The following HEG1 variants were observed in gnomAD, a reference collection of about 807,000 sequenced individuals.
HEG1 encodes heart development protein with EGF like domains 1.
In HEG1, 56 loss-of-function variants were observed where a neutral mutation model predicts 125.6. That is an observed-to-expected ratio of 0.45 (90% CI 0.36 to 0.56). The LOEUF is 0.56. Among genes scored for constraint, HEG1 ranks in the 20% least tolerant of loss-of-function variants. The pLI is 0.00. For missense variants in HEG1, 1,523 were observed against 1,670.0 expected (o/e 0.91, Z 1.53); for synonymous variants, 644 against 668.5 (o/e 0.96, Z 0.57).
At chr3:125,010,156 G>A (rs1045676531) in intron 7 of HEG1, among the ~76,000 whole-genome samples, 1 of 152,204 alleles carries the variant, frequency 6.6e-6, no homozygotes, top group Non-Finnish European at 1.5e-5. Flanking sequence ...GCAGTGGGGG[G>A]ATTCCAGCCT....
chr3:125,027,423 G>A lies in HEG1; in HGVS notation c.695C>T (p.Ser232Leu), dbSNP rs1187475335. 18 of 1,613,796 alleles carry A rather than the reference G, an allele frequency of 1.1e-5. No individual in the cohort carries two copies. The highest frequency in any genetic ancestry group is 2.2e-5 in the East Asian group (1 of 44,888). Residue 232 changes from serine to leucine, a missense_variant, in exon 3 of 17, where the codon TCG becomes TTG. Transcript: ENST00000311127. ...CATCGCCCTCTCTGTTCCCATCTCC[G>A]AGGCTGTTCCACTCTTTGTTTGAAA... is the stretch of plus-strand genomic sequence containing the variant. The part of the protein sequence containing the change: ...AAFQTKSGTA[S>L]EMGTERAMGL...
intron 1 of HEG1, among the ~76,000 whole-genome samples, chr3:125,046,420 C>G (rs957215223): frequency 2.8e-5 from 4 of 145,338 alleles, no homozygotes; most frequent in Non-Finnish European, 1.5e-5. Context: ...CACACACACA[C>G]ACACACACAC....
chr3:124,995,959 G>C (rs1245009551), intron 12 of HEG1, among the ~76,000 whole-genome samples: 2 of 152,210 alleles, frequency 1.3e-5, no homozygotes, highest in Non-Finnish European at 2.9e-5. Flanking sequence ...ACTGTTCACA[G>C]GGAACACCAC....
At position 125,013,904 on chromosome 3, in the gene HEG1, A is replaced by G. The variant is rs762864956; in HGVS notation, c.1675T>C (p.Ser559Pro). 6.8e-6 allele frequency: 11 copies of G among 1,613,836 alleles called. No homozygotes were observed. The highest frequency in any genetic ancestry group is 6.7e-5 in the Admixed American group (4 of 60,002). ...SDHTDHTYLS[S>P]TFTKGERALL... ...GCCCGTTCTCCTTTGGTGAAAGTAG[A>G]TGACAGGTAGGTGTGGTCTGTGTGG... The change falls in exon 6 of 17, where the codon TCT becomes CCT. Residue 559 changes from serine to proline, a missense_variant. Coordinates refer to ENST00000311127, the MANE Select transcript of HEG1 (RefSeq NM_020733.2).
intron 1 of HEG1, among the ~76,000 whole-genome samples, chr3:125,051,318 G>A (rs1460503407): frequency 6.6e-6 from 1 of 151,826 alleles, no homozygotes; most frequent in East Asian, 1.9e-4. Context: ...AAAAAAGCAA[G>A]AGCAAGGAAT....
chr3:125,015,077 A>C, intron 5 of HEG1: 2 of 1,115,562 alleles, frequency 1.8e-6, no homozygotes, highest in East Asian at 6.0e-5. Context: ...TCGTGCCCCA[A>C]GCCTCACTTC....
In HEG1 at chr3:125,025,998, C is replaced by T. The variant is rs900410041; in HGVS notation, c.913+1207G>A. On this transcript the variant is annotated intron_variant, in intron 3 of 16. Transcript: ENST00000311127. Reference sequence around the variant, plus strand: ...TGACACAAACCCAAACTCCTAGTCTCGCAAGTTACTTCTAAAAACCTCTGA... The same window carrying T: ...TGACACAAACCCAAACTCCTAGTCTTGCAAGTTACTTCTAAAAACCTCTGA... Among the ~76,000 whole-genome samples the T allele has an allele frequency of 2.6e-5, 4 of 152,302 alleles. No homozygotes were observed. In the South Asian group the frequency reaches 8.3e-4, roughly 32 times the overall value.
chr3:125,010,301 C>T (rs1318225174), intron 7 of HEG1, 138 bp downstream of exon 7: 2 of 595,740 alleles, frequency 3.4e-6, no homozygotes. Flanking sequence ...TCACAACCTA[C>T]AAACATGCTG....
At chr3:124,997,928 T>G in intron 11 of HEG1, 105 bp from the exon 12 acceptor site, 1 of 1,283,648 alleles carries the variant, frequency 7.8e-7, no homozygotes, top group Non-Finnish European at 1.0e-6. Flanking sequence ...AACTCTCTAT[T>G]TCAAGAGGCT....
At chr3:125,017,551 A>T (rs1159519267) in intron 5 of HEG1, among the ~76,000 whole-genome samples, 1 of 152,204 alleles carries the variant, frequency 6.6e-6, no homozygotes, top group Non-Finnish European at 1.5e-5. Flanking sequence ...AGATGGCTAT[A>T]ATCAGAAAAG....
At position 125,012,981 on chromosome 3, in the gene HEG1, CA is replaced by C; in HGVS notation, c.2597del (p.Leu866ArgfsTer6). ...TCTGTACGGCTATAGGGCCAGTGAC[CA>C]GAGATGCTGTGCTTGACAGGGTGCC... The part of the protein sequence containing the change: ...TPGTLSSTAS[L>X]VTGPIAVQTT... On this transcript the variant is annotated frameshift_variant, in exon 6 of 17. Transcript: ENST00000311127. LOFTEE classifies it high-confidence loss of function. The C allele has an allele frequency of 6.2e-7, 1 of 1,613,976 alleles. No homozygotes were observed. The highest frequency in any genetic ancestry group is 8.5e-7 in the Non-Finnish European group (1 of 1,179,904).
At chr3:125,029,661 G>C (rs1022134119) in intron 1 of HEG1, among the ~76,000 whole-genome samples, 173 bp from the exon 2 acceptor site, 3 of 152,122 alleles carry the variant, frequency 2.0e-5, no homozygotes, top group African/African-American at 7.2e-5. Flanking sequence ...AGGCTGAGGC[G>C]GGTGGATCAC....
At chr3:124,980,323 C>T (rs1936625117) in intron 14 of HEG1, among the ~76,000 whole-genome samples, 1 of 152,196 alleles carries the variant, frequency 6.6e-6, no homozygotes, top group South Asian at 2.1e-4. Context: ...GAGTCTGGCT[C>T]CTGCTTATCC....
chr3:125,022,842 A>G (rs893380635), intron 3 of HEG1, among the ~76,000 whole-genome samples: 2 of 152,220 alleles, frequency 1.3e-5, no homozygotes, highest in African/African-American at 4.8e-5. Context: ...AGGTTCTTTC[A>G]AAACACTTTT....
At position 125,019,513 on chromosome 3, in the gene HEG1, A is replaced by G. The variant is rs1304188079; in HGVS notation, c.1337T>C (p.Val446Ala). 2 of 1,613,976 alleles carry G rather than the reference A, an allele frequency of 1.2e-6. No homozygotes were observed. Among genetic ancestry groups the G allele is most frequent in the Admixed American group, 1.7e-5 (1 of 60,022 alleles). The change falls in exon 5 of 17, where the codon GTC becomes GCC. Residue 446 changes from valine (V) to alanine (A), a missense_variant. Transcript: ENST00000311127. ...MSQTETVSRS[V>A]APMRGGEITA... ...GATCTCTCCACCTCTCATGGGTGCG[A>G]CTGACCTAGACACAGTCTCAGTCTG...
At position 124,968,482 on chromosome 3, in the gene HEG1, C is replaced by T. The variant is rs1936358909; in HGVS notation, c.*2170G>A. ...ACGGAAGAAACCCATGAACAAGAAGCATTGTTGGAACTCACAGGACACCGT... is the reference window on the plus strand; with the variant it reads ...ACGGAAGAAACCCATGAACAAGAAGTATTGTTGGAACTCACAGGACACCGT... On this transcript the variant is annotated 3_prime_UTR_variant, in exon 17 of 17. Coordinates refer to ENST00000311127, the MANE Select transcript of HEG1 (RefSeq NM_020733.2). The T allele has an allele frequency of 6.6e-6, 1 of 152,228 alleles. No homozygotes were observed. Among genetic ancestry groups the T allele is most frequent in the Non-Finnish European group, 1.5e-5 (1 of 68,050 alleles). The allele number at this position is 152,228 out of a possible 1,614,324, so 9.4% of individuals were successfully genotyped here. A position where few individuals can be genotyped will look rare whatever the true frequency, so the allele number is the denominator to read the frequency against.
rs2333041 is a variant in HEG1 at position 125,027,338 on chromosome 3, C to T, written c.780G>A (p.Pro260=). Residue 260 remains proline, a synonymous_variant, in exon 3 of 17, where the codon CCG becomes CCA. Transcript: ENST00000311127. Reference sequence around the variant, plus strand: ...CCATCTCCAAAGCAGGAAGAAAGGACGGGCTCCAAGCCGAAGTGGTGGCCT... The same window carrying T: ...CCATCTCCAAAGCAGGAAGAAAGGATGGGCTCCAAGCCGAAGTGGTGGCCT... The part of the protein sequence containing the change: ...SQEATTSAWS[P]SFLPALEMGE... 3,291 of 1,613,570 alleles carry T rather than the reference C, an allele frequency of 2.0e-3. 49 individuals are homozygous for T. In the African/African-American group the frequency reaches 0.036, roughly 18 times the overall value.
intron 14 of HEG1, among the ~76,000 whole-genome samples, chr3:124,988,215 G>T (rs1443082423): frequency 6.6e-6 from 1 of 151,772 alleles, no homozygotes; most frequent in Non-Finnish European, 1.5e-5. Flanking sequence ...AGACCAGGCA[G>T]CCCCTTTAAG....
At chr3:124,994,037 C>A (rs774940392) in intron 12 of HEG1, among the ~76,000 whole-genome samples, 1 of 152,144 alleles carries the variant, frequency 6.6e-6, no homozygotes, top group African/African-American at 2.4e-5. Context: ...GCAGTCCCCA[C>A]GTTTTTGGCA....
Sources: gnomAD v4.1 joint callset for allele counts (sites outside exome capture counted in the v4.1 genomes callset) on GRCh38, gnomAD v4.1.1 for gene constraint, MANE v1.5 for transcripts, NCBI Gene and HGNC (gene_info 2026-07-23, HGNC 2026-07-21) for gene names.